Variants in FANCD2 observed in about 807,000 individuals in gnomAD.
FANCD2 encodes the protein FA complementation group D2, also known as Fanconi anemia group D2 protein.
A neutral mutation model predicts 192.3 loss-of-function variants in FANCD2; 131 were observed. The observed-to-expected ratio is 0.68, with a 90% confidence interval of 0.59 to 0.79. FANCD2 has a LOEUF of 0.79. Among genes scored for constraint, FANCD2 ranks in the 30% least tolerant of loss-of-function variants. FANCD2 has a pLI of 0.00. For missense variants in FANCD2, 1,508 were observed against 1,701.6 expected, an observed-to-expected ratio of 0.89 and a Z score of 2.00; for synonymous variants, 524 against 612.5, an observed-to-expected ratio of 0.86 and a Z score of 2.13.
At chr3:10,067,184 T>G in intron 25 of FANCD2, 25 bp from the exon 26 acceptor site, 196 of 1,373,126 alleles carry the variant, frequency 1.4e-4, no homozygotes, top group Non-Finnish European at 1.8e-4. Flanking sequence ...TTTGGAAGTA[T>G]GAGAATGTAA....
In FANCD2 at chr3:10,052,493, T is replaced by C. The variant is rs777339430; in HGVS notation, c.1652T>C (p.Ile551Thr). 2.3e-5 allele frequency: 37 copies of C among 1,605,682 alleles called. No individual in the cohort carries two copies. Among genetic ancestry groups the C allele is most frequent in the Non-Finnish European group, 3.1e-5 (36 of 1,174,428 alleles). ...FSKQNEASSH[I>T]QDDMHLVIRK... Reference sequence around the variant, plus strand: ...AAACAGAATGAAGCCAGCAGCCACATCCAGGTAAGAGGCAATATGTTGGGA... The same window carrying C: ...AAACAGAATGAAGCCAGCAGCCACACCCAGGTAAGAGGCAATATGTTGGGA... The change falls in exon 18 of 44, where the codon ATC (isoleucine) becomes ACC (threonine). Residue 551 changes from isoleucine to threonine, a missense_variant. Transcript: ENST00000675286.
At position 10,069,459 on chromosome 3, in the gene FANCD2, G is replaced by GGCTCTC. The variant is rs758011243; in HGVS notation, c.2494+2142_2494+2143insGCTCTC. 4.9e-3 allele frequency among the ~76,000 whole-genome samples: 638 copies of GGCTCTC among 129,358 alleles called. 13 individuals are homozygous for GGCTCTC. The highest frequency in any genetic ancestry group is 0.024 in the African/African-American group (598 of 25,436). The allele number at this position is 129,358 out of a possible 152,430, so 84.9% of individuals were successfully genotyped here. On this transcript the variant is annotated intron_variant, in intron 26 of 43. Coordinates refer to ENST00000675286, the MANE Select transcript of FANCD2 (RefSeq NM_001018115.3). Reference sequence around the variant, plus strand: ...GATGTCATCTCACCCTAGTTAAGATGCCTCTCCCCCTCCCCCTCCCCCTCC... The same window carrying GGCTCTC: ...GATGTCATCTCACCCTAGTTAAGATGGCTCTCCCTCTCCCCCTCCCCCTCCCCCTCC...
At chr3:10,037,703 C>A in intron 7 of FANCD2, 1 of 151,524 alleles carries the variant, frequency 6.6e-6, no homozygotes. Context: ...TTGAGATGTT[C>A]AAAAAATAGA....
chr3:10,088,889 G>A lies in FANCD2; in HGVS notation c.3622G>A (p.Val1208Ile), dbSNP rs2125077784. The change falls in exon 36 of 44, where the codon GTC becomes ATC. Residue 1208 changes from valine to isoleucine, a missense_variant. Physicochemically the swap from Val to Ile is conservative, Grantham distance 29 (BLOSUM62 3). This residue lies in a region of FANCD2 where 796 missense variants were observed against 879.4 expected (regional missense o/e 0.91). Transcript: ENST00000675286. Reference protein sequence around the residue: ...KAIEEIAGVGVPELINSPKDA... With the variant: ...KAIEEIAGVGIPELINSPKDA... ...CATAGAGGAGATTGCTGGTGTTGGT[G>A]TCCCAGAACTGATCAACTCTCCTAA... The A allele has an allele frequency of 6.2e-7, 1 of 1,613,904 alleles. No individual in the cohort carries two copies. Among genetic ancestry groups the A allele is most frequent in the Non-Finnish European group, 8.5e-7 (1 of 1,179,866 alleles).
At chr3:10,054,353 GTA>G (rs1238756623) in intron 18 of FANCD2, among the ~76,000 whole-genome samples, 13 of 103,192 alleles carry the variant, frequency 1.3e-4, no homozygotes, top group East Asian at 2.5e-4. Context: ...ATATATATAC[GTA>G]TATATATATA....
At chr3:10,076,724 A>ATTTG (rs781392128) in intron 29 of FANCD2, among the ~76,000 whole-genome samples, 3 of 151,388 alleles carry the variant, frequency 2.0e-5, no homozygotes, top group Non-Finnish European at 3.0e-5. Context: ...TAGTTTTTTT[A>ATTTG]TTTGTTTGTT....
chr3:10,051,748 A>G lies in FANCD2; in HGVS notation c.1546-639A>G, dbSNP rs1487963637. On this transcript the variant is annotated intron_variant, in intron 17 of 43. Transcript: ENST00000675286. Reference sequence around the variant, plus strand: ...AAATGGAGATTTTTAAAAATTAATTAAAAGTTTACAAAGCTGTTTTATTAC... The same window carrying G: ...AAATGGAGATTTTTAAAAATTAATTGAAAGTTTACAAAGCTGTTTTATTAC... 2.6e-5 allele frequency among the ~76,000 whole-genome samples: 4 copies of G among 152,340 alleles called. No homozygotes were observed. The East Asian group carries it at 7.7e-4, about 29-fold the overall frequency.
intron 34 of FANCD2, among the ~76,000 whole-genome samples, chr3:10,087,796 G>A (rs567177962): frequency 1.3e-5 from 2 of 152,056 alleles, no homozygotes; most frequent in South Asian, 2.1e-4. Context: ...TTACAGGTGC[G>A]CACCACCGTG....
intron 41 of FANCD2, 61 bp downstream of exon 41, chr3:10,095,335 T>C: frequency 7.5e-7 from 1 of 1,339,586 alleles, no homozygotes; most frequent in South Asian, 1.2e-5. Flanking sequence ...CAGTTGCTAT[T>C]GGGGGATCCA....
chr3:10,049,068 G>A (rs1166875456), intron 16 of FANCD2, among the ~76,000 whole-genome samples: 1 of 152,014 alleles, frequency 6.6e-6, no homozygotes, highest in Non-Finnish European at 1.5e-5. Context: ...TCAACCTAAA[G>A]GGTAAAATTT....
Position 10,065,887 on chromosome 3 carries a change from C to G in FANCD2, c.2293C>G (p.Leu765Val). ...AGATTGTCCTATATTCCTAACTGAC[C>G]TGGAGCCTGGAGAGAAGTTGGAGTC... ...LLDCPIFLTD[L>V]EPGEKLESMS... Residue 765 changes from leucine to valine, a missense_variant, in exon 25 of 44, where the codon CTG becomes GTG. Leu to Val is a conservative substitution (Grantham distance 32). Around this residue, in one of 5 missense-constraint regions of FANCD2, gnomAD observed 796 missense variants for 879.4 expected, o/e 0.91. Transcript: ENST00000675286. The G allele has an allele frequency of 6.2e-7, 1 of 1,612,512 alleles. No homozygotes were observed. The highest frequency in any genetic ancestry group is 8.5e-7 in the Non-Finnish European group (1 of 1,178,522).
At chr3:10,052,224 GAGC>G (rs2087239251) in intron 17 of FANCD2, among the ~76,000 whole-genome samples, 160 bp from the exon 18 acceptor site, 1 of 152,172 alleles carries the variant, frequency 6.6e-6, no homozygotes, top group Middle Eastern at 3.2e-3. Context: ...TTTGGGCTCT[GAGC>G]ATAGCTTTTA....
intron 2 of FANCD2, among the ~76,000 whole-genome samples, chr3:10,031,280 G>A (rs2086586854): frequency 6.6e-6 from 1 of 152,146 alleles, no homozygotes; most frequent in Non-Finnish European, 1.5e-5. Context: ...AAGGCGGGCA[G>A]ATCACGAGGT....
At chr3:10,036,701 A>G (rs1256081486) in intron 7 of FANCD2, among the ~76,000 whole-genome samples, 1 of 150,926 alleles carries the variant, frequency 6.6e-6, no homozygotes, top group Non-Finnish European at 1.5e-5. Flanking sequence ...TTTTTTTTTA[A>G]GTATCTGTTG....
At chr3:10,100,357 C>T (rs1470507977) in intron 43 of FANCD2, among the ~76,000 whole-genome samples, 2 of 152,134 alleles carry the variant, frequency 1.3e-5, no homozygotes, top group African/African-American at 2.4e-5. Context: ...TACTGGATTC[C>T]TGTTGAGATA....
chr3:10,037,996 G>A (rs1048234451), intron 7 of FANCD2, among the ~76,000 whole-genome samples: 1 of 152,000 alleles, frequency 6.6e-6, no homozygotes, highest in Non-Finnish European at 1.5e-5. Flanking sequence ...AAGTTTAAAG[G>A]TTTACTTATT....
At chr3:10,073,534 G>T (rs1693370613) in intron 28 of FANCD2, among the ~76,000 whole-genome samples, 172 bp downstream of exon 28, 1 of 152,162 alleles carries the variant, frequency 6.6e-6, no homozygotes, top group African/African-American at 2.4e-5. Context: ...TTAGACTTCA[G>T]GTCCTTATTC....
rs35568585 is a variant in FANCD2, at chr3:10,101,157, A to G, written c.4282-31A>G. 7,024 of 1,559,782 alleles carry G rather than the reference A, an allele frequency of 4.5e-3. 27 individuals are homozygous for G. The highest frequency in any genetic ancestry group is 5.6e-3 in the Non-Finnish European group (6,321 of 1,130,442). ...GAGGTCACCCAGAGCAGTAACCTAA[A>G]ATGCTTATTTATTTATTCTTTGCCC... On this transcript the variant is annotated intron_variant, in intron 43 of 43. Coordinates refer to ENST00000675286, the MANE Select transcript of FANCD2 (RefSeq NM_001018115.3).
chr3:10,066,883 C>T (rs2087735084), intron 25 of FANCD2, among the ~76,000 whole-genome samples: 1 of 152,126 alleles, frequency 6.6e-6, no homozygotes, highest in Non-Finnish European at 1.5e-5. Context: ...TGCCACCATG[C>T]CCAGCTAATT....
Sources: allele counts gnomAD v4.1 joint callset (sites outside exome capture counted in the v4.1 genomes callset), GRCh38; gene constraint gnomAD v4.1.1; regional missense constraint gnomAD v4.1.1; transcripts MANE v1.5; gene names NCBI Gene and HGNC (gene_info 2026-07-23, HGNC 2026-07-21).